S1PR3: variants seen among roughly 807,000 people sequenced by gnomAD.
S1PR3 encodes sphingosine-1-phosphate receptor 3, also known as sphingosine 1-phosphate receptor 3.
S1PR3 carries 12 observed loss-of-function variants against 13.3 expected under a neutral mutation model. The observed-to-expected ratio is 0.90, with a 90% CI of 0.58 to 1.46. The LOEUF (loss-of-function observed/expected upper bound fraction) is 1.46, where lower values mean the gene tolerates loss of function less well. Among genes scored for constraint, S1PR3 ranks in the 40% most tolerant of loss-of-function variants. The probability of loss-of-function intolerance (pLI) is 0.00; values close to 1 mark genes in which losing one functional copy is unlikely to be tolerated. For missense variants in S1PR3, 450 were observed against 501.9 expected (o/e 0.90, Z 0.99); for synonymous variants, 232 against 214.0 (o/e 1.08, Z -0.73).
In S1PR3 at chr9:89,001,320, G is replaced by A. The variant is rs1229919892; in HGVS notation, c.120G>A (p.Thr40=). 2.5e-6 allele frequency: 4 copies of A among 1,614,096 alleles called. No individual in the cohort carries two copies. Among genetic ancestry groups the A allele is most frequent in the Admixed American group, 3.3e-5 (2 of 60,012 alleles). ...TGAAGGAGGCCTCCGAGGGCAGCAC[G>A]CTCACCACCGTGCTCTTCTTGGTCA... ...GRLKEASEGS[T]LTTVLFLVIC... The change falls in exon 2 of 2, where the codon ACG becomes ACA. Residue 40 remains threonine, a synonymous_variant. Coordinates refer to ENST00000358157, the MANE Select transcript of S1PR3 (RefSeq NM_005226.4).
In S1PR3 at chr9:89,002,173, G is replaced by A. The variant is rs1420459454; in HGVS notation, c.973G>A (p.Ala325Thr). 2.5e-6 allele frequency: 4 copies of A among 1,613,724 alleles called. No homozygotes were observed. The highest frequency in any genetic ancestry group is 2.2e-5 in the East Asian group (1 of 44,850). ...CCTGGTCAGGGGACGGGGGGCCCGC[G>A]CCTCACCCATCCAGCCTGCGCTCGA... ...NCLVRGRGAR[A>T]SPIQPALDPS... The change falls in exon 2 of 2, where the codon GCC (alanine) becomes ACC (threonine). Residue 325 changes from alanine (A) to threonine (T), a missense_variant. Coordinates refer to ENST00000358157, the MANE Select transcript of S1PR3 (RefSeq NM_005226.4).
At chr9:88,994,468 T>C (rs2118585265) in intron 1 of S1PR3, 1 of 167,132 alleles carries the variant, frequency 6.0e-6, no homozygotes, top group East Asian at 1.9e-4. Flanking sequence ...CCCTGTGGAT[T>C]CATCCCTGTG....
Position 89,002,423 on chromosome 9 carries a change from G to T in S1PR3, c.*86G>T, listed in dbSNP as rs541214032. ...AGGGGCCCCTCAAGAGCTGTGACTC[G>T]GGAGAGCTACCTTACTTTGACCAAC... is the stretch of plus-strand genomic sequence containing the variant. On this transcript the variant is annotated 3_prime_UTR_variant, in exon 2 of 2. Transcript: ENST00000358157. 226 of 1,473,684 alleles carry T rather than the reference G, an allele frequency of 1.5e-4. No homozygotes were observed. The highest frequency in any genetic ancestry group is 1.4e-3 in the East Asian group (56 of 41,206). The allele number at this position is 1,473,684 out of a possible 1,614,324, so 91.3% of individuals were successfully genotyped here. A position where few individuals can be genotyped will look rare whatever the true frequency, so the allele number is the denominator to read the frequency against.
upstream of S1PR3, chr9:88,991,137 C>A: frequency 3.1e-6 from 5 of 1,611,442 alleles, no homozygotes; most frequent in Non-Finnish European, 4.2e-6. The surrounding 1 kb of genome is among the most constrained non-coding windows in gnomAD (Gnocchi z 4.0). Context: ...CCCGCTGGGT[C>A]TCTGGGCGCC....
In S1PR3 at chr9:88,991,525, G is replaced by A; in HGVS notation, c.-318G>A. ...AACAGGGACTCAGGGACCAGAAGGCGGCTGCAGGACGCGACCGAGCAGGAC... is the reference window on the plus strand; with the variant it reads ...AACAGGGACTCAGGGACCAGAAGGCAGCTGCAGGACGCGACCGAGCAGGAC... On this transcript the variant is annotated 5_prime_UTR_variant, in exon 1 of 2. Transcript: ENST00000358157. The surrounding 1 kb of genome is among the most constrained non-coding windows in gnomAD (Gnocchi z 4.0). 3 of 1,547,750 alleles carry A rather than the reference G, an allele frequency of 1.9e-6. No homozygotes were observed. Among genetic ancestry groups the A allele is most frequent in the Non-Finnish European group, 2.6e-6 (3 of 1,145,932 alleles).
At position 89,001,102 on chromosome 9, in the gene S1PR3, G is replaced by A. The variant is rs1314259076; in HGVS notation, c.-99G>A. On this transcript the variant is annotated 5_prime_UTR_variant, in exon 2 of 2. It removes the in-frame stop codon of an upstream open reading frame in the 5' UTR. Coordinates refer to ENST00000358157, the MANE Select transcript of S1PR3 (RefSeq NM_005226.4). ...TGGAGTCTGGCCTGCACGCCTTGCT[G>A]AATGAAGCCGGAACCTCAGCCCCGC... is the stretch of plus-strand genomic sequence containing the variant. 7 of 1,415,292 alleles carry A rather than the reference G, an allele frequency of 4.9e-6. No individual in the cohort carries two copies. The highest frequency in any genetic ancestry group is 6.8e-6 in the Non-Finnish European group (7 of 1,034,296). The allele number at this position is 1,415,292 out of a possible 1,614,324, so 87.7% of individuals were successfully genotyped here.
chr9:88,991,449 G>A (rs2118570063), upstream of S1PR3: 1 of 1,545,442 alleles, frequency 6.5e-7, no homozygotes, highest in Non-Finnish European at 8.7e-7. This position sits in a 1 kb window ranked among gnomAD's most constrained non-coding sequence, Gnocchi z 4.0. Context: ...GAAAAGTTTA[G>A]TCTCTGACTC....
upstream of S1PR3, chr9:88,990,864 G>C (rs1197926139): frequency 5.6e-6 from 6 of 1,071,812 alleles, no homozygotes; most frequent in African/African-American, 8.0e-5. Flanking sequence ...CCTGGGGGTA[G>C]AGCGCGGAGA....
chr9:88,994,982 A>G (rs980607549), intron 1 of S1PR3: 1 of 167,164 alleles, frequency 6.0e-6, no homozygotes, highest in Non-Finnish European at 1.5e-5. Context: ...GAGGTCACCC[A>G]AGAAATCTAG....
Position 89,002,568 on chromosome 9 carries a change from C to T in S1PR3, c.*231C>T. 1.7e-6 allele frequency: 1 copy of T among 592,326 alleles called. No homozygotes were observed. The highest frequency in any genetic ancestry group is 3.1e-6 in the Non-Finnish European group (1 of 326,102). 36.7% of individuals were successfully genotyped at this position (592,326 alleles called of 1,614,324 possible). ...AGAGTCTTTCAGATGTACTAAGCTG[C>T]TGACATCATCCACTGCCTTCTGCTG... On this transcript the variant is annotated 3_prime_UTR_variant, in exon 2 of 2. Transcript: ENST00000358157.
At chr9:88,993,086 AT>A (rs1332231486) in intron 1 of S1PR3, 1 of 152,434 alleles carries the variant, frequency 6.6e-6, no homozygotes, top group Non-Finnish European at 1.5e-5. Context: ...TCCCTTTATC[AT>A]TGTGATTTTT....
upstream of S1PR3, chr9:88,991,421 C>G (rs1012861799): frequency 1.3e-6 from 2 of 1,530,020 alleles, no homozygotes; most frequent in South Asian, 2.4e-5. The surrounding 1 kb of genome is among the most constrained non-coding windows in gnomAD (Gnocchi z 4.0). Context: ...GCGCGGGTCC[C>G]GCCCCGGCGG....
In S1PR3 at chr9:89,001,868, A is replaced by G. The variant is rs769055616; in HGVS notation, c.668A>G (p.Lys223Arg). Residue 223 changes from lysine (K) to arginine (R), a missense_variant, in exon 2 of 2, where the codon AAG (lysine) becomes AGG (arginine). By Grantham distance (26) the Lys-to-Arg change is conservative. Transcript: ENST00000358157. ...TACGCACGCATCTACTTCCTGGTGA[A>G]GTCCAGCAGCCGTAAGGTGGCCAAC... Reference protein sequence around the residue: ...ILYARIYFLVKSSSRKVANHN... With the variant: ...ILYARIYFLVRSSSRKVANHN... The G allele has an allele frequency of 2.0e-5, 33 of 1,614,108 alleles. No individual in the cohort carries two copies. Among genetic ancestry groups the G allele is most frequent in the Middle Eastern group, 3.3e-4 (2 of 6,084 alleles).
Position 89,002,693 on chromosome 9 carries a change from A to C in S1PR3, c.*356A>C. ...TGTGCCTCTGAATGGTGTTTTGATG[A>C]TTTTACACTACATTTCCTGTGCGTA... On this transcript the variant is annotated 3_prime_UTR_variant, in exon 2 of 2. Transcript: ENST00000358157. 3.2e-6 allele frequency: 1 copy of C among 310,258 alleles called. No individual in the cohort carries two copies. The allele number at this position is 310,258 out of a possible 1,614,324, so 19.2% of individuals were successfully genotyped here. A position where few individuals can be genotyped will look rare whatever the true frequency, so the allele number is the denominator to read the frequency against.
intron 1 of S1PR3, chr9:88,996,962 C>T (rs1004043263): frequency 2.6e-5 from 4 of 152,152 alleles, no homozygotes; most frequent in African/African-American, 7.2e-5. Flanking sequence ...TGCTTTTAAC[C>T]GTGCGCAATA....
chr9:88,991,467 C>T, upstream of S1PR3: 2 of 1,547,052 alleles, frequency 1.3e-6, no homozygotes, highest in Non-Finnish European at 1.7e-6. The surrounding 1 kb of genome is among the most constrained non-coding windows in gnomAD (Gnocchi z 4.0). Flanking sequence ...CTCGCTCGGG[C>T]AGAGGCCGAG....
chr9:88,997,156 T>C (rs536792778), intron 1 of S1PR3: 1 of 152,304 alleles, frequency 6.6e-6, no homozygotes, highest in South Asian at 2.1e-4. Flanking sequence ...TCTGGACAAA[T>C]ATGCTTCTTG....
intron 1 of S1PR3, chr9:88,996,229 C>G (rs1424505132): frequency 1.3e-5 from 2 of 152,198 alleles, no homozygotes; most frequent in African/African-American, 4.8e-5. Context: ...TCTGAGAAAC[C>G]CAGTGCCTCC....
chr9:88,992,041 G>A (rs1825726864), intron 1 of S1PR3: 1 of 1,605,742 alleles, frequency 6.2e-7, no homozygotes, highest in Non-Finnish European at 8.5e-7. Flanking sequence ...GTGGGAGAGG[G>A]TTGTGGTCGT....
Sources: gnomAD v4.1 joint callset for allele counts on GRCh38, gnomAD v4.1.1 for gene constraint, Gnocchi (gnomAD v3.1) non-coding constraint, MANE v1.5 for transcripts, NCBI Gene and HGNC (gene_info 2026-07-23, HGNC 2026-07-21) for gene names.